The following MITF variants were observed in gnomAD, a reference collection of about 807,000 sequenced individuals.
MITF encodes microphthalmia-associated transcription factor.
Under a neutral mutation model 60.5 loss-of-function variants are expected in MITF, and 17 were observed. The ratio of observed to expected loss-of-function variants is 0.28; its 90% CI spans 0.19 to 0.42. The LOEUF (loss-of-function observed/expected upper bound fraction) is 0.42, where lower values mean the gene tolerates loss of function less well. Ranked by LOEUF, MITF falls within the 10% of genes least tolerant of loss-of-function variation. MITF has a pLI of 1.00. For synonymous variants in MITF, 260 were observed against 248.5 expected (o/e 1.05, Z -0.43); for missense variants, 622 against 683.5 (o/e 0.91, Z 1.00).
At chr3:69,859,779 TA>T (rs922629989) in intron 1 of MITF, among the ~76,000 whole-genome samples, 10 of 152,198 alleles carry the variant, frequency 6.6e-5, no homozygotes, top group Admixed American at 5.9e-4. Flanking sequence ...TTTCATAACT[TA>T]AAAAAAGTTA....
rs541799404 is a variant in MITF at position 69,777,208 on chromosome 3, CTG to C, written c.104+37511_104+37512del. Among the ~76,000 whole-genome samples the C allele has an allele frequency of 2.3e-3, 343 of 152,234 alleles. 2 individuals carry two copies. Among genetic ancestry groups the C allele is most frequent in the African/African-American group, 8.0e-3 (331 of 41,560 alleles). ...AAAAATTAAAAAGTCATCATATAAA[CTG>C]TGTTTAAGTCAAGTCTATTTCCTAT... On this transcript the variant is annotated intron_variant, in intron 1 of 9. Coordinates refer to ENST00000352241, the MANE Select transcript of MITF (RefSeq NM_001354604.2).
At chr3:69,741,431 C>G (rs953557095) in intron 1 of MITF, among the ~76,000 whole-genome samples, 1 of 152,148 alleles carries the variant, frequency 6.6e-6, no homozygotes, top group Non-Finnish European at 1.5e-5. Flanking sequence ...AACATTAAAT[C>G]AGTTTGAGAG....
In MITF at chr3:69,879,327, G is replaced by T. The variant is rs1456443366; in HGVS notation, c.298G>T (p.Val100Phe). 6.2e-7 allele frequency: 1 copy of T among 1,614,190 alleles called. No homozygotes were observed. Among genetic ancestry groups the T allele is most frequent in the South Asian group, 1.1e-5 (1 of 91,088 alleles). ...VPVSQTPAIN[V>F]SVPTTLPSAT... The stretch of plus-strand genomic sequence containing the variant: ...CGTGAGTCAGACACCAGCCATAAAC[G>T]TCAGTGTGCCCACCACCCTTCCCTC... The change falls in exon 2 of 10, where the codon GTC becomes TTC. Residue 100 changes from valine to phenylalanine, a missense_variant. By Grantham distance (50) the Val-to-Phe change is conservative (BLOSUM62 -1). This residue lies in a region of MITF where 149 missense variants were observed against 157.8 expected (regional missense o/e 0.94). Coordinates refer to ENST00000352241, the MANE Select transcript of MITF (RefSeq NM_001354604.2).
At chr3:69,941,060 TCTTCAATACTATTTTATA>T (rs1208188444) in intron 4 of MITF, among the ~76,000 whole-genome samples, 158 bp from the exon 5 acceptor site, 1 of 152,178 alleles carries the variant, frequency 6.6e-6, no homozygotes. Flanking sequence ...GTGTTAATGG[TCTTCAATACTATTTTATA>T]CTTCAATACT....
At chr3:69,915,018 G>A (rs2065303547) in intron 2 of MITF, among the ~76,000 whole-genome samples, 1 of 152,148 alleles carries the variant, frequency 6.6e-6, no homozygotes, top group Non-Finnish European at 1.5e-5. Flanking sequence ...TAGTTTAGTA[G>A]GTTCTTCATA....
At chr3:69,956,144 C>T (rs2066392295) in intron 7 of MITF, among the ~76,000 whole-genome samples, 1 of 152,120 alleles carries the variant, frequency 6.6e-6, no homozygotes, top group African/African-American at 2.4e-5. Context: ...TGTTGGATGT[C>T]CTCGCCAAGT....
At chr3:69,782,666 G>A (rs2062584994) in intron 1 of MITF, among the ~76,000 whole-genome samples, 1 of 152,172 alleles carries the variant, frequency 6.6e-6, no homozygotes, top group African/African-American at 2.4e-5. Context: ...TTGTTTTATT[G>A]TAGGCCATTT....
At chr3:69,866,016 G>T (rs2064107825) in intron 1 of MITF, among the ~76,000 whole-genome samples, 1 of 152,200 alleles carries the variant, frequency 6.6e-6, no homozygotes, top group Non-Finnish European at 1.5e-5. Flanking sequence ...TGCTTGCCTG[G>T]CTGCTGGGCT....
chr3:69,959,520 C>G, intron 9 of MITF, 100 bp downstream of exon 9: 1 of 1,382,360 alleles, frequency 7.2e-7, no homozygotes, highest in Non-Finnish European at 1.0e-6. Context: ...CTTACGTGAT[C>G]CTAACACAGT....
rs750309721 is a variant in MITF, at chr3:69,951,844, G to T, written c.913G>T (p.Ala305Ser). The T allele has an allele frequency of 6.2e-7, 1 of 1,613,548 alleles. No homozygotes were observed. The highest frequency in any genetic ancestry group is 8.5e-7 in the Non-Finnish European group (1 of 1,179,706). ...CIFPTESEARALAKERQKKDN... is the reference protein window; with the variant it reads ...CIFPTESEARSLAKERQKKDN... ...TTTTCCCACAGAGTCTGAAGCAAGAGCACTGGCCAAAGAGAGGCAGAAAAA... is the reference window on the plus strand; with the variant it reads ...TTTTCCCACAGAGTCTGAAGCAAGATCACTGGCCAAAGAGAGGCAGAAAAA... The change falls in exon 7 of 10, where the codon GCA becomes TCA. Residue 305 changes from alanine to serine, a missense_variant. By Grantham distance (99) the Ala-to-Ser change is moderately conservative. This residue lies in a region of MITF where 215 missense variants were observed against 224.8 expected (regional missense o/e 0.96). Transcript: ENST00000352241.
intron 1 of MITF, among the ~76,000 whole-genome samples, chr3:69,874,062 T>C (rs1476930291): frequency 2.6e-5 from 4 of 152,220 alleles, no homozygotes. Context: ...AACCTTCCTG[T>C]GTCTTCACTG....
Position 69,959,426 on chromosome 3 carries a change from C to T in MITF, c.1179+6C>T, listed in dbSNP as rs766118369. 25 of 1,613,704 alleles carry T rather than the reference C, an allele frequency of 1.5e-5. No homozygotes were observed. The Middle Eastern group carries it at 1.8e-3, about 117-fold the overall frequency. ...ATTTGTTGCTCAGAATACAGGTACG[C>T]AGCCTGAGTTGTGTAAAGTTTACTG... On this transcript the variant is annotated splice_donor_region_variant and intron_variant, in intron 9 of 9. Coordinates refer to ENST00000352241, the MANE Select transcript of MITF (RefSeq NM_001354604.2).
intron 1 of MITF, among the ~76,000 whole-genome samples, chr3:69,757,553 A>T (rs920581433): frequency 5.9e-5 from 9 of 152,072 alleles, no homozygotes; most frequent in African/African-American, 2.2e-4. Context: ...GAGCTTCCGA[A>T]CTCTGCATTT....
intron 2 of MITF, among the ~76,000 whole-genome samples, chr3:69,901,126 T>C (rs1242230016): frequency 6.6e-6 from 1 of 151,712 alleles, no homozygotes; most frequent in Non-Finnish European, 1.5e-5. Context: ...TTGGTTGTAA[T>C]TTCAAGCAGT....
intron 2 of MITF, among the ~76,000 whole-genome samples, chr3:69,881,187 G>A (rs889390297): frequency 2.6e-5 from 4 of 152,022 alleles, no homozygotes; most frequent in African/African-American, 4.8e-5. Flanking sequence ...CCTAACTTAT[G>A]TATGCCAGAA....
intron 6 of MITF, among the ~76,000 whole-genome samples, chr3:69,951,136 C>CT (rs2066240925): frequency 7.9e-6 from 1 of 126,044 alleles, no homozygotes; most frequent in Admixed American, 1.0e-4. Context: ...CTCTCTGTGT[C>CT]TCCTGAGCTG....
At chr3:69,873,388 T>C (rs1183644108) in intron 1 of MITF, among the ~76,000 whole-genome samples, 1 of 152,184 alleles carries the variant, frequency 6.6e-6, no homozygotes, top group Non-Finnish European at 1.5e-5. Context: ...ATTTACCAAC[T>C]CTTATTTGTG....
chr3:69,806,669 A>G (rs569472410), intron 1 of MITF, among the ~76,000 whole-genome samples: 1 of 152,270 alleles, frequency 6.6e-6, no homozygotes, highest in South Asian at 2.1e-4. Flanking sequence ...GCAGCAATTT[A>G]TGAGGATAAT....
chr3:69,939,330 C>T, intron 4 of MITF, 149 bp downstream of exon 4: 1 of 710,438 alleles, frequency 1.4e-6, no homozygotes, highest in East Asian at 2.7e-5. Context: ...TTGCCATTTT[C>T]CTCATAGTAT....
Sources: allele counts gnomAD v4.1 joint callset (sites outside exome capture counted in the v4.1 genomes callset), GRCh38; gene constraint gnomAD v4.1.1; regional missense constraint gnomAD v4.1.1; transcripts MANE v1.5; gene names NCBI Gene and HGNC (gene_info 2026-07-23, HGNC 2026-07-21).